Variants in MEF2D observed in about 807,000 individuals in gnomAD.
MEF2D encodes the protein myocyte-specific enhancer factor 2D.
In MEF2D, 10 loss-of-function variants were observed where a neutral mutation model predicts 59.3. That is an observed-to-expected ratio of 0.17 (90% CI 0.10 to 0.29). The LOEUF is 0.29. MEF2D is among the 10% of genes least tolerant of loss of function. The pLI is 1.00. For missense variants in MEF2D, 508 were observed against 699.4 expected, an observed-to-expected ratio of 0.73 and a Z score of 3.09; for synonymous variants, 305 against 295.0, an observed-to-expected ratio of 1.03 and a Z score of -0.35.
In MEF2D at chr1:156,479,276, A is replaced by G; in HGVS notation, c.664+14T>C. On this transcript the variant is annotated intron_variant, in intron 6 of 11. Coordinates refer to ENST00000348159, the MANE Select transcript of MEF2D (RefSeq NM_005920.4). ...CCCCTCCCCACCTCCAGGTAGAAGGATGACTGCACTCACCAACAGGGCTGG... is the reference window on the plus strand; with the variant it reads ...CCCCTCCCCACCTCCAGGTAGAAGGGTGACTGCACTCACCAACAGGGCTGG... The G allele has an allele frequency of 6.2e-7, 1 of 1,603,982 alleles. No homozygotes were observed. The highest frequency in any genetic ancestry group is 8.5e-7 in the Non-Finnish European group (1 of 1,176,102).
chr1:156,478,232 TA>T (rs770151495), intron 6 of MEF2D, among the ~76,000 whole-genome samples: 2 of 152,110 alleles, frequency 1.3e-5, no homozygotes, highest in Non-Finnish European at 2.9e-5. Flanking sequence ...GTGACATAAT[TA>T]TCACCAGGGA....
Position 156,479,601 on chromosome 1 carries a change from G to A in MEF2D, c.592C>T (p.Arg198Trp). 6.4e-7 allele frequency: 1 copy of A among 1,551,614 alleles called. No homozygotes were observed. The highest frequency in any genetic ancestry group is 8.7e-7 in the Non-Finnish European group (1 of 1,147,510). The change falls in exon 5 of 12, where the codon CGG becomes TGG. Residue 198 changes from arginine to tryptophan, a missense_variant. By Grantham distance (101) the Arg-to-Trp change is moderately radical. This residue lies in a region of MEF2D where 481 missense variants were observed against 584.7 expected (regional missense o/e 0.82). Transcript: ENST00000348159. ...RNSVSPGLPQ[R>W]PASAGAMLGG... ...GCCCACTCACCCGCACTAGCTGGCC[G>A]CTGGGGCAGGCCAGGAGACACACTG... is the stretch of plus-strand genomic sequence containing the variant.
In MEF2D at chr1:156,480,796, A is replaced by G; in HGVS notation, c.396+38T>C. On this transcript the variant is annotated intron_variant, in intron 4 of 11. Coordinates refer to ENST00000348159, the MANE Select transcript of MEF2D (RefSeq NM_005920.4). ...GCAGCGCCTGGGGGGAAGGGGCCGG[A>G]AGGGGGGGCCAACAGAGACAGAGTG... The G allele has an allele frequency of 1.9e-6, 3 of 1,585,238 alleles. No individual in the cohort carries two copies. In the South Asian group the frequency reaches 3.4e-5, roughly 18 times the overall value.
Position 156,500,577 on chromosome 1 carries a change from T to C in MEF2D, c.-230A>G, listed in dbSNP as rs1673438110. 6.6e-6 allele frequency: 1 copy of C among 152,112 alleles called. No homozygotes were observed. 9.4% of individuals were successfully genotyped at this position (152,112 alleles called of 1,614,324 possible). Reference sequence around the variant, plus strand: ...ATCTTCAACACCGGGAAGCCGCAGCTCCGGGCGGGGAGAATAATAAATGAG... The same window carrying C: ...ATCTTCAACACCGGGAAGCCGCAGCCCCGGGCGGGGAGAATAATAAATGAG... On this transcript the variant is annotated 5_prime_UTR_variant, in exon 1 of 12. Coordinates refer to ENST00000348159, the MANE Select transcript of MEF2D (RefSeq NM_005920.4).
At chr1:156,489,655 G>C (rs1477338803) in intron 1 of MEF2D, among the ~76,000 whole-genome samples, 1 of 152,124 alleles carries the variant, frequency 6.6e-6, no homozygotes, top group African/African-American at 2.4e-5. Context: ...CACCATCCCT[G>C]CCCTCTGAGA....
intron 9 of MEF2D, 77 bp downstream of exon 9, chr1:156,475,031 A>G (rs1177734660): frequency 1.2e-6 from 2 of 1,605,100 alleles, no homozygotes; most frequent in Admixed American, 3.4e-5. Context: ...TGTCCAGGGG[A>G]TAACTAGCAT....
intron 1 of MEF2D, among the ~76,000 whole-genome samples, chr1:156,500,030 A>G (rs1464663811): frequency 6.7e-5 from 10 of 149,356 alleles, no homozygotes. Flanking sequence ...CTTCTGCACC[A>G]TTTCGGGCCA....
intron 1 of MEF2D, among the ~76,000 whole-genome samples, chr1:156,495,963 T>G (rs1282327448): frequency 6.6e-6 from 1 of 152,060 alleles, no homozygotes; most frequent in Non-Finnish European, 1.5e-5. Context: ...GCTTCGGACA[T>G]GTCCCTCCCC....
intron 6 of MEF2D, among the ~76,000 whole-genome samples, chr1:156,479,067 G>T (rs1160228242): frequency 6.6e-6 from 1 of 152,142 alleles, no homozygotes; most frequent in East Asian, 1.9e-4. Context: ...CTCACAGTTT[G>T]CCCAGAATTC....
At chr1:156,496,274 CG>C (rs1673123451) in intron 1 of MEF2D, among the ~76,000 whole-genome samples, 1 of 152,122 alleles carries the variant, frequency 6.6e-6, no homozygotes, top group Non-Finnish European at 1.5e-5. Flanking sequence ...TCAGGGTGAG[CG>C]GGGAGGGCAA....
At chr1:156,470,003 G>A (rs1671131714) in intron 9 of MEF2D, among the ~76,000 whole-genome samples, 2 of 148,986 alleles carry the variant, frequency 1.3e-5, no homozygotes, top group Non-Finnish European at 3.0e-5. Flanking sequence ...GGGGCTGCAA[G>A]GGTACCATGC....
intron 8 of MEF2D, 64 bp from the exon 9 acceptor site, chr1:156,475,301 A>T (rs1571227845): frequency 6.7e-7 from 1 of 1,502,784 alleles, no homozygotes; most frequent in East Asian, 2.4e-5. Flanking sequence ...TTGGCCCTCC[A>T]TCCCAAGGCC....
intron 1 of MEF2D, among the ~76,000 whole-genome samples, chr1:156,493,355 G>A (rs1053104879): frequency 6.6e-6 from 1 of 152,202 alleles, no homozygotes; most frequent in African/African-American, 2.4e-5. Context: ...AAGCCACTGA[G>A]GATTTAAAGG....
intron 4 of MEF2D, 22 bp downstream of exon 4, chr1:156,480,812 A>T (rs1671957356): frequency 6.3e-7 from 1 of 1,592,654 alleles, no homozygotes; most frequent in Admixed American, 1.7e-5. Context: ...GGGCCAACAG[A>T]GACAGAGTGA....
At chr1:156,476,134 C>T (rs529376309) in intron 8 of MEF2D, among the ~76,000 whole-genome samples, 1 of 152,306 alleles carries the variant, frequency 6.6e-6, no homozygotes, top group East Asian at 1.9e-4. Context: ...CTAGTGGGAT[C>T]CAGCCCCCTA....
intron 1 of MEF2D, among the ~76,000 whole-genome samples, chr1:156,491,991 T>G (rs1672830393): frequency 6.6e-6 from 1 of 152,174 alleles, no homozygotes; most frequent in African/African-American, 2.4e-5. Context: ...AGTATAGAGC[T>G]CTCAGTCCAA....
intron 4 of MEF2D, 95 bp downstream of exon 4, chr1:156,480,739 C>T: frequency 1.2e-6 from 2 of 1,611,580 alleles, no homozygotes; most frequent in Non-Finnish European, 1.7e-6. Context: ...CCTCGTCCAC[C>T]TCAGGGCTCT....
chr1:156,495,088 G>A (rs766501070), intron 1 of MEF2D, among the ~76,000 whole-genome samples: 2 of 152,150 alleles, frequency 1.3e-5, no homozygotes, highest in Non-Finnish European at 2.9e-5. Context: ...ATTTGTTCCT[G>A]CCCTCACACC....
chr1:156,476,788 C>T (rs1671634782), intron 7 of MEF2D: 3 of 645,456 alleles, frequency 4.6e-6, no homozygotes, highest in South Asian at 1.9e-5. Context: ...TTCTCTCTCA[C>T]CTCCTGCCCC....
Sources: allele counts gnomAD v4.1 joint callset (sites outside exome capture counted in the v4.1 genomes callset), GRCh38; gene constraint gnomAD v4.1.1; regional missense constraint gnomAD v4.1.1; transcripts MANE v1.5; gene names NCBI Gene and HGNC (gene_info 2026-07-23, HGNC 2026-07-21).